The following ZFYVE9 variants were observed in gnomAD, a reference collection of about 807,000 sequenced individuals.
ZFYVE9 encodes the protein zinc finger FYVE domain-containing protein 9.
In ZFYVE9, 43 loss-of-function variants were observed where a neutral mutation model predicts 126.7. That is an observed-to-expected ratio of 0.34 (90% CI 0.27 to 0.44). The LOEUF (loss-of-function observed/expected upper bound fraction) is 0.44, where lower values mean the gene tolerates loss of function less well. Among genes scored for constraint, ZFYVE9 ranks in the 20% least tolerant of loss-of-function variants. The pLI is 1.00. For synonymous variants in ZFYVE9, 521 were observed against 597.4 expected, an observed-to-expected ratio of 0.87 and a Z score of 1.87; for missense variants, 1,476 against 1,697.0, an observed-to-expected ratio of 0.87 and a Z score of 2.29.
In ZFYVE9 at chr1:52,180,203, A is replaced by G; in HGVS notation, c.-142-36166A>G. The G allele has an allele frequency of 3.8e-6, 6 of 1,580,904 alleles. No homozygotes were observed. In the South Asian group the frequency reaches 4.4e-5, roughly 12 times the overall value. On this transcript the variant is annotated intron_variant, in intron 1 of 18. Transcript: ENST00000287727. ...TCGTCTTGCACCTTTACAAACAAGG[A>G]ATTCCCCTCTGTGCCCTGATAAATC...
intron 1 of ZFYVE9, among the ~76,000 whole-genome samples, chr1:52,196,104 T>C (rs1035551780): frequency 4.6e-5 from 7 of 152,150 alleles, no homozygotes; most frequent in African/African-American, 1.2e-4. Flanking sequence ...TATAGTCTTA[T>C]ATTTGTCCAC....
At chr1:52,249,699 T>G (rs1645425260) in intron 4 of ZFYVE9, among the ~76,000 whole-genome samples, 1 of 152,340 alleles carries the variant, frequency 6.6e-6, no homozygotes, top group South Asian at 2.1e-4. Flanking sequence ...CATCTCCAAA[T>G]TTGATGTCAT....
At chr1:52,199,221 C>T (rs906966490) in intron 1 of ZFYVE9, among the ~76,000 whole-genome samples, 19 of 152,178 alleles carry the variant, frequency 1.2e-4, no homozygotes, top group Admixed American at 7.9e-4. Flanking sequence ...GCTGCCACTA[C>T]GCCCGGCTAA....
chr1:52,277,640 A>G (rs958218214), intron 8 of ZFYVE9, among the ~76,000 whole-genome samples: 1 of 152,316 alleles, frequency 6.6e-6, no homozygotes, highest in Admixed American at 6.5e-5. Flanking sequence ...ACTTTGTTCT[A>G]CCTGACTGTC....
Position 52,346,206 on chromosome 1 carries a change from G to A in ZFYVE9, c.4263G>A (p.Leu1421=). The part of the protein sequence containing the change: ...PVVMELIFYI[L]ENIV Reference sequence around the variant, plus strand: ...TCATGGAACTCATCTTTTATATTCTGGAAAACATCGTATAAACAGAGAAGA... The same window carrying A: ...TCATGGAACTCATCTTTTATATTCTAGAAAACATCGTATAAACAGAGAAGA... The change falls in exon 19 of 19, where the codon CTG becomes CTA. Residue 1421 remains leucine, a synonymous_variant. Transcript: ENST00000287727. 6.2e-7 allele frequency: 1 copy of A among 1,600,122 alleles called. No individual in the cohort carries two copies.
chr1:52,318,368 G>A (rs1646206052), intron 13 of ZFYVE9, among the ~76,000 whole-genome samples: 1 of 78,242 alleles, frequency 1.3e-5, no homozygotes, highest in African/African-American at 3.7e-5. Context: ...GAGCATGATT[G>A]TATGTGTGTG....
At position 52,163,899 on chromosome 1, in the gene ZFYVE9, T is replaced by A. The variant is rs373304711; in HGVS notation, c.-143+21496T>A. On this transcript the variant is annotated intron_variant, in intron 1 of 18. Transcript: ENST00000287727. ...TGATGTGCTTTCAGATGGGTAGATA[T>A]TTATGGTCAACACTATTCAGCCTGT... is the stretch of plus-strand genomic sequence containing the variant. Among the ~76,000 whole-genome samples the A allele has an allele frequency of 3.0e-4, 46 of 152,314 alleles. 4 individuals are homozygous for A. The South Asian group carries it at 8.9e-3, about 30-fold the overall frequency.
chr1:52,163,606 A>T (rs530024740), intron 1 of ZFYVE9, among the ~76,000 whole-genome samples: 11 of 152,340 alleles, frequency 7.2e-5, no homozygotes, highest in African/African-American at 2.6e-4. Context: ...TCTTTGATCC[A>T]GCAGATTCAG....
Position 52,319,628 on chromosome 1 carries a change from AAAAAT to A in ZFYVE9, c.3439-13130_3439-13126del, listed in dbSNP as rs200498317. Among the ~76,000 whole-genome samples, 610 of 152,138 alleles carry A rather than the reference AAAAAT, an allele frequency of 4.0e-3. 13 individuals carry two copies. In the South Asian group the frequency reaches 0.044, roughly 11 times the overall value. On this transcript the variant is annotated intron_variant, in intron 13 of 18. Transcript: ENST00000287727. ...AACGAGCAAAACTCCATCTCAAAAA[AAAAAT>A]AAAATAAAAACAAATAAAAATTGAG... is the stretch of plus-strand genomic sequence containing the variant.
chr1:52,176,104 G>A (rs1414091317), intron 1 of ZFYVE9, among the ~76,000 whole-genome samples: 1 of 152,174 alleles, frequency 6.6e-6, no homozygotes, highest in Non-Finnish European at 1.5e-5. Context: ...TTTCTGCTCT[G>A]TTTTTTCCTC....
chr1:52,198,626 C>G (rs897784582), intron 1 of ZFYVE9, among the ~76,000 whole-genome samples: 2 of 152,144 alleles, frequency 1.3e-5, no homozygotes, highest in Admixed American at 1.3e-4. Context: ...ACCAATTTGG[C>G]TAGTTTTCCA....
At chr1:52,341,231 CA>C (rs1337855449) in intron 17 of ZFYVE9, among the ~76,000 whole-genome samples, 1 of 152,198 alleles carries the variant, frequency 6.6e-6, no homozygotes, top group Non-Finnish European at 1.5e-5. Flanking sequence ...CAAAAACAAA[CA>C]AACAAAACTA....
chr1:52,159,725 C>T (rs555305139), intron 1 of ZFYVE9, among the ~76,000 whole-genome samples: 20 of 152,170 alleles, frequency 1.3e-4, no homozygotes, highest in African/African-American at 3.6e-4. Context: ...TTGATATAAG[C>T]GACATACCTC....
At chr1:52,212,580 G>A (rs1645037728) in intron 1 of ZFYVE9, among the ~76,000 whole-genome samples, 1 of 152,216 alleles carries the variant, frequency 6.6e-6, no homozygotes, top group Admixed American at 6.5e-5. Context: ...CTAAGCTAAG[G>A]CAGTTGTAGA....
At chr1:52,195,872 A>T (rs771721440) in intron 1 of ZFYVE9, among the ~76,000 whole-genome samples, 1 of 151,346 alleles carries the variant, frequency 6.6e-6, no homozygotes, top group East Asian at 1.9e-4. Flanking sequence ...AGCACACTGC[A>T]GCCTCCGCAT....
chr1:52,174,503 G>A (rs1644605637), intron 1 of ZFYVE9, among the ~76,000 whole-genome samples: 1 of 152,162 alleles, frequency 6.6e-6, no homozygotes, highest in African/African-American at 2.4e-5. Flanking sequence ...GGAGAGTTCT[G>A]TAGATATCTA....
At chr1:52,194,231 A>C (rs1644841014) in intron 1 of ZFYVE9, among the ~76,000 whole-genome samples, 2 of 152,238 alleles carry the variant, frequency 1.3e-5, no homozygotes, top group South Asian at 4.1e-4. Context: ...AAGCAAACAA[A>C]AGCAACATGA....
intron 4 of ZFYVE9, among the ~76,000 whole-genome samples, chr1:52,257,765 G>A (rs767819550): frequency 6.6e-6 from 1 of 152,042 alleles, no homozygotes; most frequent in South Asian, 2.1e-4. Flanking sequence ...ACGGGGTTTC[G>A]CTCTTGTCTC....
intron 1 of ZFYVE9, among the ~76,000 whole-genome samples, chr1:52,209,332 T>A (rs999928189): frequency 1.6e-4 from 25 of 152,204 alleles, no homozygotes; most frequent in African/African-American, 4.1e-4. Context: ...ACTTTTTTTT[T>A]AACTGGTTTT....
Sources: gnomAD v4.1 joint callset for allele counts (sites outside exome capture counted in the v4.1 genomes callset) on GRCh38, gnomAD v4.1.1 for gene constraint, MANE v1.5 for transcripts, NCBI Gene and HGNC (gene_info 2026-07-23, HGNC 2026-07-21) for gene names.